Variants in CTNNA2 observed in about 807,000 individuals in gnomAD.
CTNNA2 encodes catenin alpha-2.
In CTNNA2, 42 loss-of-function variants were observed where a neutral mutation model predicts 101.0. That is an observed-to-expected ratio of 0.42 (90% CI 0.32 to 0.54). CTNNA2 has a LOEUF of 0.54. CTNNA2 is among the 20% of genes least tolerant of loss of function. CTNNA2 has a pLI of 0.14. For missense variants in CTNNA2, 871 were observed against 1,223.1 expected (o/e 0.71, Z 4.29); for synonymous variants, 450 against 456.4 (o/e 0.99, Z 0.18).
intron 7 of CTNNA2, among the ~76,000 whole-genome samples, chr2:80,051,094 A>G (rs1192559915): frequency 6.6e-6 from 1 of 152,180 alleles, no homozygotes; most frequent in African/African-American, 2.4e-5. Flanking sequence ...TTACCATGAA[A>G]TACTATTCAC....
At chr2:80,092,998 CT>C (rs202173837) in intron 7 of CTNNA2, among the ~76,000 whole-genome samples, 8 of 150,946 alleles carry the variant, frequency 5.3e-5, no homozygotes, top group Admixed American at 1.3e-4. Context: ...TGTTTCAATT[CT>C]TTTTTTTTAA....
chr2:79,831,032 A>AC (rs1226863722), intron 3 of CTNNA2, among the ~76,000 whole-genome samples: 1 of 151,784 alleles, frequency 6.6e-6, no homozygotes, highest in Non-Finnish European at 1.5e-5. Flanking sequence ...TCTTGTCCCC[A>AC]CCCCTCTTTT....
chr2:80,603,095 C>T (rs1697698227), intron 15 of CTNNA2, among the ~76,000 whole-genome samples: 1 of 152,026 alleles, frequency 6.6e-6, no homozygotes, highest in African/African-American at 2.4e-5. Flanking sequence ...CACCACATTT[C>T]TAACTACAGG....
intron 3 of CTNNA2, among the ~76,000 whole-genome samples, chr2:79,355,845 T>C (rs936147184): frequency 2.0e-5 from 3 of 152,154 alleles, no homozygotes; most frequent in Non-Finnish European, 4.4e-5. Context: ...TATCTGTTGA[T>C]GGACATTTGG....
Position 79,600,864 on chromosome 2 carries a change from G to A in CTNNA2, c.-5-50688G>A, listed in dbSNP as rs150443737. The stretch of plus-strand genomic sequence containing the variant: ...GTTCCCACGCAACAGGGAGCAGAGA[G>A]ATCATCTCTCTGCTGTTTCTTATAA... On this transcript the variant is annotated intron_variant, in intron 1 of 18. Coordinates refer to ENST00000402739, the MANE Select transcript of CTNNA2 (RefSeq NM_001282597.3). Among the ~76,000 whole-genome samples, 28 of 152,192 alleles carry A rather than the reference G, an allele frequency of 1.8e-4. 1 individual carries two copies. Among genetic ancestry groups the A allele is most frequent in the Admixed American group, 1.3e-3 (20 of 15,288 alleles).
At chr2:79,666,521 C>T (rs1051097253) in intron 2 of CTNNA2, among the ~76,000 whole-genome samples, 8 of 151,822 alleles carry the variant, frequency 5.3e-5, no homozygotes, top group South Asian at 4.2e-4. Context: ...ATCCATATAC[C>T]ACGTTCATCT....
intron 7 of CTNNA2, among the ~76,000 whole-genome samples, chr2:80,106,445 T>C (rs1384747588): frequency 6.6e-6 from 1 of 152,246 alleles, no homozygotes. Context: ...TATGTGTATC[T>C]GTGCATAAAT....
At chr2:79,469,037 A>G (rs1426844036) in intron 4 of CTNNA2, among the ~76,000 whole-genome samples, 3 of 152,222 alleles carry the variant, frequency 2.0e-5, no homozygotes, top group Non-Finnish European at 4.4e-5. Flanking sequence ...ATCAGAGCAG[A>G]ACTGAAGGAG....
At position 79,744,437 on chromosome 2, in the gene CTNNA2, A is replaced by G; in HGVS notation, c.153A>G (p.Lys51=). 6.2e-7 allele frequency: 1 copy of G among 1,614,068 alleles called. No homozygotes were observed. Among genetic ancestry groups the G allele is most frequent in the Non-Finnish European group, 8.5e-7 (1 of 1,179,974 alleles). ...TSNKGPSGKK[K]GRSKKAHVLA... ...ACAAAGGCCCATCTGGTAAAAAGAA[A>G]GGGAGGTCAAAGAAAGCCCATGTAC... The change falls in exon 3 of 19, where the codon AAA becomes AAG. Residue 51 remains lysine (K), a synonymous_variant. Coordinates refer to ENST00000402739, the MANE Select transcript of CTNNA2 (RefSeq NM_001282597.3).
At chr2:79,367,931 A>T (rs1203188921) in intron 3 of CTNNA2, among the ~76,000 whole-genome samples, 1 of 152,184 alleles carries the variant, frequency 6.6e-6, no homozygotes, top group East Asian at 1.9e-4. Flanking sequence ...TATACTAGAG[A>T]AAATAGTACT....
chr2:80,569,294 T>C (rs1414972948), intron 12 of CTNNA2, among the ~76,000 whole-genome samples: 1 of 152,170 alleles, frequency 6.6e-6, no homozygotes, highest in African/African-American at 2.4e-5. Context: ...AGGGATATCA[T>C]CGTTTTGTGG....
intron 7 of CTNNA2, among the ~76,000 whole-genome samples, chr2:80,085,229 T>C (rs1021566333): frequency 6.6e-6 from 1 of 152,062 alleles, no homozygotes; most frequent in Admixed American, 6.6e-5. Flanking sequence ...TCACAGTTGC[T>C]CAGTGTAGTC....
At position 80,405,529 on chromosome 2, in the gene CTNNA2, G is replaced by A. The variant is rs527425923; in HGVS notation, c.1137+12238G>A. On this transcript the variant is annotated intron_variant, in intron 8 of 18. Transcript: ENST00000402739. The stretch of plus-strand genomic sequence containing the variant: ...TATAATAATTATAATAATAGGCTTC[G>A]TGTCTAATATAATCACCATTTCTTT... Among the ~76,000 whole-genome samples, 7 of 152,196 alleles carry A rather than the reference G, an allele frequency of 4.6e-5. No homozygotes were observed. The East Asian group carries it at 9.7e-4, about 21-fold the overall frequency.
At chr2:80,582,012 T>TCTAA (rs1189203495) in intron 14 of CTNNA2, among the ~76,000 whole-genome samples, 193 bp downstream of exon 14, 10 of 152,198 alleles carry the variant, frequency 6.6e-5, no homozygotes, top group Admixed American at 6.5e-4. Flanking sequence ...TCCTGATTCC[T>TCTAA]CTAACTCCTC....
chr2:79,395,137 C>T (rs1310847074), intron 4 of CTNNA2, among the ~76,000 whole-genome samples: 6 of 152,138 alleles, frequency 3.9e-5, no homozygotes, highest in East Asian at 1.9e-4. Context: ...TCCCAAATTA[C>T]GGAGTGGTAG....
chr2:79,275,954 G>A (rs1272015110), intron 2 of CTNNA2, among the ~76,000 whole-genome samples: 2 of 152,028 alleles, frequency 1.3e-5, no homozygotes, highest in African/African-American at 4.8e-5. Flanking sequence ...TTAGGCTAGG[G>A]AGCATCAGAG....
chr2:79,659,112 A>G (rs1472378266), intron 2 of CTNNA2, among the ~76,000 whole-genome samples: 1 of 151,960 alleles, frequency 6.6e-6, no homozygotes, highest in African/African-American at 2.4e-5. Flanking sequence ...TCAGGGAAAC[A>G]GGAGGTTCAG....
intron 2 of CTNNA2, among the ~76,000 whole-genome samples, chr2:79,282,046 T>G (rs1288294248): frequency 6.6e-6 from 1 of 152,154 alleles, no homozygotes. Flanking sequence ...TGCTTTGTAG[T>G]TTATCATCTA....
chr2:79,833,861 A>T (rs1679107656), intron 3 of CTNNA2, among the ~76,000 whole-genome samples: 1 of 152,198 alleles, frequency 6.6e-6, no homozygotes, highest in Non-Finnish European at 1.5e-5. Context: ...TATTTTCATT[A>T]GTAATATTAT....
Sources: gnomAD v4.1 joint callset for allele counts (sites outside exome capture counted in the v4.1 genomes callset) on GRCh38, gnomAD v4.1.1 for gene constraint, MANE v1.5 for transcripts, NCBI Gene and HGNC (gene_info 2026-07-23, HGNC 2026-07-21) for gene names.